MYO1E: variants seen among roughly 807,000 people sequenced by gnomAD.
MYO1E encodes the protein unconventional myosin-Ie.
A neutral mutation model predicts 151.1 loss-of-function variants in MYO1E; 68 were observed. The observed-to-expected ratio is 0.45, with a 90% CI of 0.37 to 0.55. MYO1E has a LOEUF of 0.55. Among genes scored for constraint, MYO1E ranks in the 20% least tolerant of loss-of-function variants. MYO1E has a pLI of 0.00. For missense variants in MYO1E, 1,363 were observed against 1,389.3 expected, an observed-to-expected ratio of 0.98 and a Z score of 0.30; for synonymous variants, 601 against 501.7, an observed-to-expected ratio of 1.20 and a Z score of -2.64.
chr15:59,170,957 G>A (rs1342147418), intron 22 of MYO1E, among the ~76,000 whole-genome samples: 1 of 152,204 alleles, frequency 6.6e-6, no homozygotes, highest in African/African-American at 2.4e-5. Context: ...CCATGTTCAT[G>A]TGAGAGCAGA....
rs1290938271 is a variant in MYO1E at position 59,214,791 on chromosome 15, A to AG, written c.1108-72dup. On this transcript the variant is annotated intron_variant, in intron 10 of 27. Coordinates refer to ENST00000288235, the MANE Select transcript of MYO1E (RefSeq NM_004998.4). The stretch of plus-strand genomic sequence containing the variant: ...CTAAAAACGGGCATGCACTGGGGAA[A>AG]GGGAAGCTGGATTCTACACGGCAAA... 76 of 1,209,310 alleles carry AG rather than the reference A, an allele frequency of 6.3e-5. No homozygotes were observed. The East Asian group carries it at 1.6e-3, about 25-fold the overall frequency. The allele number at this position is 1,209,310 out of a possible 1,614,324, so 74.9% of individuals were successfully genotyped here. A position where few individuals can be genotyped will look rare whatever the true frequency, so the allele number is the denominator to read the frequency against.
At chr15:59,303,528 A>T (rs2080496073) in intron 1 of MYO1E, among the ~76,000 whole-genome samples, 1 of 152,202 alleles carries the variant, frequency 6.6e-6, no homozygotes, top group African/African-American at 2.4e-5. Flanking sequence ...GACTCTGTCT[A>T]AAAATAAAGA....
chr15:59,207,778 C>T (rs1159982256), intron 14 of MYO1E: 2 of 1,614,094 alleles, frequency 1.2e-6, no homozygotes, highest in Admixed American at 1.7e-5. Flanking sequence ...GAAAAATGTC[C>T]ACAAAGAAGT....
Position 59,328,672 on chromosome 15 carries a change from T to C in MYO1E, c.3+43826A>G, listed in dbSNP as rs2080680980. Among the ~76,000 whole-genome samples the C allele has an allele frequency of 2.0e-5, 3 of 152,282 alleles. No individual in the cohort carries two copies. In the South Asian group the frequency reaches 6.2e-4, roughly 32 times the overall value. Reference sequence around the variant, plus strand: ...GATGTTTTGATCAACCTGCTACACATAGCTGTTCTGTGTGGAGGGGACCTC... The same window carrying C: ...GATGTTTTGATCAACCTGCTACACACAGCTGTTCTGTGTGGAGGGGACCTC... On this transcript the variant is annotated intron_variant, in intron 1 of 27. Coordinates refer to ENST00000288235, the MANE Select transcript of MYO1E (RefSeq NM_004998.4).
At chr15:59,299,114 C>A (rs527537473) in intron 1 of MYO1E, among the ~76,000 whole-genome samples, 1 of 152,246 alleles carries the variant, frequency 6.6e-6, no homozygotes, top group Non-Finnish European at 1.5e-5. Context: ...ACATGTTTTA[C>A]AAGCCTGGAG....
intron 1 of MYO1E, among the ~76,000 whole-genome samples, chr15:59,331,255 T>G (rs1279705553): frequency 3.2e-4 from 49 of 152,206 alleles, no homozygotes; most frequent in Admixed American, 3.2e-3. Flanking sequence ...TTGAAAGATG[T>G]GACAGCAGCC....
At chr15:59,307,089 C>T (rs2080519133) in intron 1 of MYO1E, among the ~76,000 whole-genome samples, 1 of 152,166 alleles carries the variant, frequency 6.6e-6, no homozygotes, top group Admixed American at 6.5e-5. Flanking sequence ...AGGAGAGCAC[C>T]AAAGCATGAA....
At position 59,143,075 on chromosome 15, in the gene MYO1E, G is replaced by A. The variant is rs150289774; in HGVS notation, c.3081-4708C>T. On this transcript the variant is annotated intron_variant, in intron 26 of 27. Transcript: ENST00000288235. ...AAAGCTGTGTGTATGTGGCCACTGC[G>A]TGGTCTTTGATATCAAGGCATCAGA... 1.4e-3 allele frequency among the ~76,000 whole-genome samples: 219 copies of A among 152,290 alleles called. 3 individuals carry two copies. The highest frequency in any genetic ancestry group is 7.1e-3 in the Admixed American group (109 of 15,290).
intron 1 of MYO1E, among the ~76,000 whole-genome samples, chr15:59,335,473 G>A (rs2080722614): frequency 6.6e-6 from 1 of 151,988 alleles, no homozygotes; most frequent in Admixed American, 6.6e-5. Context: ...CATGTTTTCT[G>A]CATCAATAAA....
chr15:59,345,436 G>C (rs568475022), intron 1 of MYO1E, among the ~76,000 whole-genome samples: 18 of 152,260 alleles, frequency 1.2e-4, no homozygotes, highest in African/African-American at 4.3e-4. Flanking sequence ...CTCCTGATTA[G>C]CTGGGACTAC....
chr15:59,315,109 G>C (rs1402287559), intron 1 of MYO1E, among the ~76,000 whole-genome samples: 1 of 152,120 alleles, frequency 6.6e-6, no homozygotes, highest in East Asian at 1.9e-4. Flanking sequence ...GGGGAGAGGA[G>C]ACCCAAAGTC....
chr15:59,259,205 A>G (rs1288765038), intron 3 of MYO1E, among the ~76,000 whole-genome samples: 3 of 152,256 alleles, frequency 2.0e-5, no homozygotes, highest in African/African-American at 7.2e-5. Flanking sequence ...GTTCTCAAAT[A>G]TCATTGAGAA....
At chr15:59,188,730 A>G (rs1768380968) in intron 17 of MYO1E, among the ~76,000 whole-genome samples, 1 of 152,034 alleles carries the variant, frequency 6.6e-6, no homozygotes, top group Admixed American at 6.5e-5. Flanking sequence ...TAAATAAATA[A>G]AAATACAGCA....
At chr15:59,221,296 C>T (rs1285433040) in intron 9 of MYO1E, among the ~76,000 whole-genome samples, 2 of 151,924 alleles carry the variant, frequency 1.3e-5, no homozygotes, top group African/African-American at 4.8e-5. Context: ...AGGCATGAGC[C>T]ACCATGCCTG....
rs1405243430 is a variant in MYO1E at position 59,203,400 on chromosome 15, A to G, written c.1617-993T>C. On this transcript the variant is annotated intron_variant, in intron 15 of 27. Coordinates refer to ENST00000288235, the MANE Select transcript of MYO1E (RefSeq NM_004998.4). ...ATATACTTTCTTTTTTTTTTTTTTG[A>G]GATGGAGTCTCGCTCTGTCACCAGG... 7.1e-5 allele frequency among the ~76,000 whole-genome samples: 9 copies of G among 125,952 alleles called. No individual in the cohort carries two copies. In the Admixed American group the frequency reaches 7.4e-4, roughly 10 times the overall value. The allele number at this position is 125,952 out of a possible 152,430, so 82.6% of individuals were successfully genotyped here.
intron 27 of MYO1E, among the ~76,000 whole-genome samples, 171 bp downstream of exon 27, chr15:59,138,027 A>C (rs1686692271): frequency 2.0e-5 from 3 of 152,194 alleles, no homozygotes; most frequent in Admixed American, 2.0e-4. Context: ...GAGCTGAAAG[A>C]AGCATTAAAA....
chr15:59,317,906 C>A (rs2080599432), intron 1 of MYO1E, among the ~76,000 whole-genome samples: 1 of 152,096 alleles, frequency 6.6e-6, no homozygotes, highest in Non-Finnish European at 1.5e-5. Context: ...ATTATTGTCA[C>A]TTCCATTCTA....
chr15:59,235,294 A>T (rs1475588599), intron 5 of MYO1E, among the ~76,000 whole-genome samples: 1 of 152,066 alleles, frequency 6.6e-6, no homozygotes, highest in Non-Finnish European at 1.5e-5. Context: ...CCTTCTCCCA[A>T]CCTCCCAGCT....
intron 1 of MYO1E, among the ~76,000 whole-genome samples, chr15:59,282,998 G>T (rs2080366373): frequency 8.3e-6 from 1 of 121,212 alleles, no homozygotes; most frequent in Non-Finnish European, 1.8e-5. Flanking sequence ...AAGGGGAAAG[G>T]GAAAGGCCTG....
Sources: gnomAD v4.1 joint callset for allele counts (sites outside exome capture counted in the v4.1 genomes callset) on GRCh38, gnomAD v4.1.1 for gene constraint, MANE v1.5 for transcripts, NCBI Gene and HGNC (gene_info 2026-07-23, HGNC 2026-07-21) for gene names.